The following TTC12 variants were observed in gnomAD, a reference collection of about 807,000 sequenced individuals.
The protein encoded by TTC12 is tetratricopeptide repeat domain 12, also known as tetratricopeptide repeat protein 12.
A neutral mutation model predicts 90.1 loss-of-function variants in TTC12; 70 were observed. The ratio of observed to expected loss-of-function variants is 0.78; its 90% CI spans 0.64 to 0.95. The LOEUF is 0.95. Ranked by LOEUF, TTC12 falls within the 40% of genes least tolerant of loss-of-function variation. TTC12 has a pLI of 0.00. For synonymous variants in TTC12, 296 were observed against 311.5 expected (o/e 0.95, Z 0.53); for missense variants, 819 against 846.1 (o/e 0.97, Z 0.40).
Position 113,329,968 on chromosome 11 carries a change from T to C in TTC12, c.493T>C (p.Trp165Arg), listed in dbSNP as rs1555142227. Residue 165 changes from tryptophan (W) to arginine (R), a missense_variant, in exon 7 of 22, where the codon TGG (tryptophan) becomes CGG (arginine). Trp to Arg is a moderately radical substitution (Grantham distance 101, BLOSUM62 -3). Coordinates refer to ENST00000529221, the MANE Select transcript of TTC12 (RefSeq NM_017868.4). ...TGAGAAGGCACTGGTGGATTGTGAG[T>C]GGGCTCTCAAGGTAAGAGGGTATTT... is the stretch of plus-strand genomic sequence containing the variant. ...DYEKALVDCEWALKCDEKCTK... is the reference protein window; with the variant it reads ...DYEKALVDCERALKCDEKCTK... 2 of 1,613,254 alleles carry C rather than the reference T, an allele frequency of 1.2e-6. No individual in the cohort carries two copies. The highest frequency in any genetic ancestry group is 1.3e-5 in the African/African-American group (1 of 74,908).
chr11:113,338,823 C>A lies in TTC12; in HGVS notation c.626C>A (p.Thr209Asn), dbSNP rs782329289. 2.2e-5 allele frequency: 35 copies of A among 1,613,930 alleles called. No individual in the cohort carries two copies. In the South Asian group the frequency reaches 2.3e-4, roughly 11 times the overall value. The change falls in exon 9 of 22, where the codon ACC becomes AAC. Residue 209 changes from threonine (T) to asparagine (N), a missense_variant. Transcript: ENST00000529221. ...KILEINPKLQ[T>N]QVKGYLNQVD... ...TTAGAAATAAACCCCAAGCTGCAAACCCAGGTGAAAGGTGAGCACGTTCCT... is the reference window on the plus strand; with the variant it reads ...TTAGAAATAAACCCCAAGCTGCAAAACCAGGTGAAAGGTGAGCACGTTCCT...
At position 113,361,966 on chromosome 11, in the gene TTC12, AAAAG is replaced by A. The variant is rs1328868262; in HGVS notation, c.1615-428_1615-425del. ...CTTGGCATTTATTTAAAAAAAAAAA[AAAAG>A]AAAGAAGAGCCGGGAAATAAAGTAA... is the stretch of plus-strand genomic sequence containing the variant. On this transcript the variant is annotated intron_variant, in intron 18 of 21. Transcript: ENST00000529221. Among the ~76,000 whole-genome samples the A allele has an allele frequency of 3.5e-4, 53 of 151,950 alleles. No individual in the cohort carries two copies. In the East Asian group the frequency reaches 6.2e-3, roughly 18 times the overall value.
intron 14 of TTC12, among the ~76,000 whole-genome samples, chr11:113,350,368 C>T (rs1243477192): frequency 5.3e-5 from 8 of 152,162 alleles, no homozygotes; most frequent in Admixed American, 2.0e-4. Flanking sequence ...GAGGCTGACC[C>T]GGGCCTCCAT....
At position 113,334,949 on chromosome 11, in the gene TTC12, C is replaced by A; in HGVS notation, c.505-17C>A. ...ACATCTTCTAAAACTTCTGATCAGTCATTCTCTTTTATGCAGTGTGATGAA... is the reference window on the plus strand; with the variant it reads ...ACATCTTCTAAAACTTCTGATCAGTAATTCTCTTTTATGCAGTGTGATGAA... On this transcript the variant is annotated splice_polypyrimidine_tract_variant and intron_variant, in intron 7 of 21. Transcript: ENST00000529221. The A allele has an allele frequency of 3.1e-6, 5 of 1,607,492 alleles. No homozygotes were observed. The highest frequency in any genetic ancestry group is 4.3e-6 in the Non-Finnish European group (5 of 1,174,252).
chr11:113,347,163 G>A (rs903224027), intron 13 of TTC12, among the ~76,000 whole-genome samples: 5 of 152,202 alleles, frequency 3.3e-5, no homozygotes, highest in African/African-American at 1.2e-4. Flanking sequence ...CAAGACCGAA[G>A]AAAATAGGTT....
intron 16 of TTC12, among the ~76,000 whole-genome samples, chr11:113,353,104 C>T (rs1265189187): frequency 4.6e-5 from 7 of 152,138 alleles, no homozygotes; most frequent in Non-Finnish European, 8.8e-5. Flanking sequence ...ATAAGTGTAC[C>T]TTTTTCTCTA....
intron 13 of TTC12, 22 bp downstream of exon 13, chr11:113,344,462 C>T: frequency 6.2e-7 from 1 of 1,602,778 alleles, no homozygotes; most frequent in Non-Finnish European, 8.5e-7. Context: ...CTGGCAGGAT[C>T]TTCCTGGGAC....
chr11:113,348,696 T>G (rs1949103772), intron 13 of TTC12, among the ~76,000 whole-genome samples: 1 of 152,186 alleles, frequency 6.6e-6, no homozygotes, highest in South Asian at 2.1e-4. Context: ...CATGAGGACT[T>G]TATAAAAAAG....
Position 113,341,900 on chromosome 11 carries a change from C to G in TTC12, c.960C>G (p.Leu320=). 6.2e-7 allele frequency: 1 copy of G among 1,614,184 alleles called. No homozygotes were observed. The highest frequency in any genetic ancestry group is 8.5e-7 in the Non-Finnish European group (1 of 1,180,022). ...EEMVCVSVLK[L]WQAVCSRNEE... is the part of the protein sequence containing the mutation. ...TGGTCTGTGTGTCTGTTCTCAAGCT[C>G]TGGCAAGCAGTGTGCAGCAGGAACG... The change falls in exon 12 of 22, where the codon CTC becomes CTG. Residue 320 remains leucine (L), a synonymous_variant. Transcript: ENST00000529221.
At position 113,359,410 on chromosome 11, in the gene TTC12, A is replaced by C; in HGVS notation, c.1494A>C (p.Thr498=). 5.0e-6 allele frequency: 8 copies of C among 1,612,314 alleles called. No homozygotes were observed. The highest frequency in any genetic ancestry group is 6.8e-6 in the Non-Finnish European group (8 of 1,179,054). ...DVDLFREVIY[T]LLGLMMNLCL... ...ACCTGTTCAGAGAGGTTATCTACAC[A>C]CTCCTGGGACTCATGATGAACCTGT... Residue 498 remains threonine, a synonymous_variant, in exon 17 of 22, where the codon ACA becomes ACC. Coordinates refer to ENST00000529221, the MANE Select transcript of TTC12 (RefSeq NM_017868.4).
Position 113,364,895 on chromosome 11 carries a change from C to T in TTC12, c.1877C>T (p.Ala626Val), listed in dbSNP as rs368512089. The change falls in exon 21 of 22, where the codon GCC becomes GTC. Residue 626 changes from alanine to valine, a missense_variant. Ala to Val is a moderately conservative substitution (Grantham distance 64). Coordinates refer to ENST00000529221, the MANE Select transcript of TTC12 (RefSeq NM_017868.4). ...GATGAGGTTCTGGTGGGCAACGCTGCCCTCTGCCTTGGTAACTGCATGGAG... is the reference window on the plus strand; with the variant it reads ...GATGAGGTTCTGGTGGGCAACGCTGTCCTCTGCCTTGGTAACTGCATGGAG... ...SEDEVLVGNA[A>V]LCLGNCMEVP... 2.6e-5 allele frequency: 42 copies of T among 1,614,178 alleles called. No homozygotes were observed. The African/African-American group carries it at 2.7e-4, about 10-fold the overall frequency.
At chr11:113,365,085 C>G in intron 21 of TTC12, 25 bp downstream of exon 21, 11 of 1,602,856 alleles carry the variant, frequency 6.9e-6, no homozygotes, top group Non-Finnish European at 9.4e-6. Flanking sequence ...CGGAGCCAGG[C>G]TGACCTATTG....
intron 16 of TTC12, among the ~76,000 whole-genome samples, chr11:113,355,887 C>G (rs1362741315): frequency 6.6e-6 from 1 of 152,158 alleles, no homozygotes; most frequent in Non-Finnish European, 1.5e-5. Flanking sequence ...AGAGTATGCA[C>G]TATGTGGCGA....
rs369846942 is a variant in TTC12, at chr11:113,337,813, G to GGACCAGGTTGGTGGTGATGGA, written c.577-959_577-939dup. 4.2e-3 allele frequency among the ~76,000 whole-genome samples: 643 copies of GGACCAGGTTGGTGGTGATGGA among 152,182 alleles called. 6 individuals carry two copies. The highest frequency in any genetic ancestry group is 0.014 in the African/African-American group (566 of 41,500). ...ATATCCAAGCAAGAGGTGGTGATGG[G>GGACCAGGTTGGTGGTGATGGA]GACCAGGTTGGTGGTGATGGAGGTG... is the stretch of plus-strand genomic sequence containing the variant. On this transcript the variant is annotated intron_variant, in intron 8 of 21. Coordinates refer to ENST00000529221, the MANE Select transcript of TTC12 (RefSeq NM_017868.4).
At chr11:113,354,767 A>G (rs782150021) in intron 16 of TTC12, among the ~76,000 whole-genome samples, 11 of 152,184 alleles carry the variant, frequency 7.2e-5, no homozygotes, top group Non-Finnish European at 1.2e-4. Context: ...ACATTTATCT[A>G]TTTGTGTATG....
In TTC12 at chr11:113,364,971, G is replaced by T; in HGVS notation, c.1953G>T (p.Leu651Phe). The change falls in exon 21 of 22, where the codon TTG (leucine) becomes TTT (phenylalanine). Residue 651 changes from leucine to phenylalanine, a missense_variant. Coordinates refer to ENST00000529221, the MANE Select transcript of TTC12 (RefSeq NM_017868.4). ...SLLKTDLLQV[L>F]LKLAGSDTQK... ...TAAAGACGGACCTTTTGCAGGTCTT[G>T]TTAAAGCTTGCAGGCAGTGACACAC... The T allele has an allele frequency of 1.2e-6, 2 of 1,614,182 alleles. No homozygotes were observed. The highest frequency in any genetic ancestry group is 1.7e-6 in the Non-Finnish European group (2 of 1,180,040).
At chr11:113,326,094 G>C (rs988755194) in intron 6 of TTC12, among the ~76,000 whole-genome samples, 3 of 152,150 alleles carry the variant, frequency 2.0e-5, no homozygotes, top group Non-Finnish European at 4.4e-5. Context: ...CATTGTATCA[G>C]TCTCTCTTTA....
intron 8 of TTC12, among the ~76,000 whole-genome samples, chr11:113,335,978 A>T (rs1295294051): frequency 6.6e-6 from 1 of 152,130 alleles, no homozygotes; most frequent in Non-Finnish European, 1.5e-5. Context: ...TCTATGTTTA[A>T]CCTTTTGAGG....
chr11:113,364,764 T>C, intron 20 of TTC12, 71 bp from the exon 21 acceptor site: 1 of 1,304,274 alleles, frequency 7.7e-7, no homozygotes, highest in Non-Finnish European at 1.1e-6. Context: ...CCTGCACCCC[T>C]CATGTCCTGT....
Sources: gnomAD v4.1 joint callset for allele counts (sites outside exome capture counted in the v4.1 genomes callset) on GRCh38, gnomAD v4.1.1 for gene constraint, MANE v1.5 for transcripts, NCBI Gene and HGNC (gene_info 2026-07-23, HGNC 2026-07-21) for gene names.